THSD7A: variants seen among roughly 807,000 people sequenced by gnomAD.
THSD7A encodes thrombospondin type 1 domain containing 7A.
THSD7A carries 96 observed loss-of-function variants against 231.3 expected under a neutral mutation model. The ratio of observed to expected loss-of-function variants is 0.41; its 90% CI spans 0.35 to 0.49. THSD7A has a LOEUF of 0.49. Ranked by LOEUF, THSD7A falls within the 20% of genes least tolerant of loss-of-function variation. The pLI, the probability that THSD7A is intolerant of heterozygous loss-of-function variation, is 0.05. For missense variants in THSD7A, 2,290 were observed against 2,070.2 expected, an observed-to-expected ratio of 1.11 and a Z score of -2.06; for synonymous variants, 940 against 743.3, an observed-to-expected ratio of 1.26 and a Z score of -4.30.
rs141816599 is a variant in THSD7A, at chr7:11,590,762, G to A, written c.1272-121C>T. On this transcript the variant is annotated intron_variant, in intron 3 of 27. Transcript: ENST00000423059. This position sits in a 1 kb window ranked among gnomAD's most constrained non-coding sequence, Gnocchi z 4.4. ...AAATCATTTTCCTAGAGAATCCATC[G>A]TAGACTACATCTATGGTGCATATTT... The A allele has an allele frequency of 3.5e-5, 40 of 1,139,530 alleles. No homozygotes were observed. Among genetic ancestry groups the A allele is most frequent in the East Asian group, 2.6e-4 (10 of 37,892 alleles). The allele number at this position is 1,139,530 out of a possible 1,614,324, so 70.6% of individuals were successfully genotyped here.
intron 1 of THSD7A, among the ~76,000 whole-genome samples, chr7:11,684,814 A>G (rs1377924485): frequency 6.6e-6 from 1 of 152,204 alleles, no homozygotes; most frequent in Admixed American, 6.6e-5. Context: ...CAATCTACAG[A>G]TTCTAAGCAA....
intron 1 of THSD7A, among the ~76,000 whole-genome samples, chr7:11,644,225 G>A (rs1407797476): frequency 2.6e-5 from 4 of 151,814 alleles, no homozygotes; most frequent in Admixed American, 6.6e-5. Flanking sequence ...ATTGCCATAG[G>A]TAGAAGCAAA....
chr7:11,711,453 G>T (rs948903884), intron 1 of THSD7A, among the ~76,000 whole-genome samples: 12 of 150,964 alleles, frequency 7.9e-5, no homozygotes, highest in Admixed American at 5.3e-4. Context: ...ATCTGCTGAC[G>T]AATTAAATTT....
chr7:11,820,433 T>C, intron 1 of THSD7A: 2 of 1,325,886 alleles, frequency 1.5e-6, no homozygotes, highest in Non-Finnish European at 2.0e-6. Flanking sequence ...TTGGGGCTGG[T>C]GCTTGATTTC....
At chr7:11,818,278 C>G (rs1374744113) in intron 1 of THSD7A, among the ~76,000 whole-genome samples, 2 of 152,202 alleles carry the variant, frequency 1.3e-5, no homozygotes, top group African/African-American at 4.8e-5. Flanking sequence ...ATAAGTTAAA[C>G]TATTTTAGCT....
chr7:11,656,434 G>A lies in THSD7A; in HGVS notation c.191-19473C>T, dbSNP rs187800994. ...TCATAGGGGCTCACAGTTCACAGAT[G>A]GTCTCCAGGCTAACTAGGACACACC... is the stretch of plus-strand genomic sequence containing the variant. On this transcript the variant is annotated intron_variant, in intron 1 of 27. Transcript: ENST00000423059. 4.8e-4 allele frequency among the ~76,000 whole-genome samples: 73 copies of A among 151,896 alleles called. 1 individual carries two copies. The highest frequency in any genetic ancestry group is 1.6e-3 in the African/African-American group (66 of 41,512).
intron 1 of THSD7A, among the ~76,000 whole-genome samples, chr7:11,808,191 G>A (rs1284557371): frequency 6.6e-6 from 1 of 152,034 alleles, no homozygotes; most frequent in Non-Finnish European, 1.5e-5. Context: ...GTTTGAATGT[G>A]TCCCTTCCAA....
chr7:11,767,089 G>A (rs961950593), intron 1 of THSD7A, among the ~76,000 whole-genome samples: 1 of 152,136 alleles, frequency 6.6e-6, no homozygotes, highest in Admixed American at 6.5e-5. Flanking sequence ...GCATGTGCAT[G>A]TATGTTTCTG....
intron 13 of THSD7A, among the ~76,000 whole-genome samples, chr7:11,443,663 G>A (rs67910311): frequency 0.27 from 40,557 of 151,596 alleles, 6,253 homozygotes; most frequent in Middle Eastern, 0.41. Context: ...TTAATAAAAA[G>A]GATCTGGAGA....
chr7:11,485,015 C>CATG (rs1786595975), intron 6 of THSD7A, among the ~76,000 whole-genome samples: 1 of 150,690 alleles, frequency 6.6e-6, no homozygotes, highest in Non-Finnish European at 1.5e-5. Flanking sequence ...CTCAGCCTCC[C>CATG]ATGTAGCTGG....
intron 23 of THSD7A, chr7:11,385,293 A>T (rs1206845293): frequency 6.6e-6 from 1 of 152,062 alleles, no homozygotes; most frequent in Non-Finnish European, 1.5e-5. Flanking sequence ...ACTTCTGATG[A>T]CACTTGGCTG....
At chr7:11,426,298 G>A (rs566484162) in intron 15 of THSD7A, among the ~76,000 whole-genome samples, 21 of 152,150 alleles carry the variant, frequency 1.4e-4, no homozygotes, top group South Asian at 6.2e-4. Context: ...CATCAGTTCA[G>A]AACAATCTCC....
chr7:11,423,964 A>G lies in THSD7A; in HGVS notation c.3383+732T>C, dbSNP rs547466084. On this transcript the variant is annotated intron_variant, in intron 16 of 27. Coordinates refer to ENST00000423059, the MANE Select transcript of THSD7A (RefSeq NM_015204.3). ...GGGTCTCTGTTTTAAGAAATTTTAT[A>G]AAGTTTTATTAAGGGGATAGACATG... Among the ~76,000 whole-genome samples, 6 of 152,136 alleles carry G rather than the reference A, an allele frequency of 3.9e-5. No homozygotes were observed. The South Asian group carries it at 1.2e-3, about 32-fold the overall frequency.
intron 1 of THSD7A, among the ~76,000 whole-genome samples, chr7:11,669,309 C>CT (rs992001103): frequency 2.0e-5 from 3 of 152,024 alleles, no homozygotes; most frequent in African/African-American, 4.8e-5. Flanking sequence ...TTTAAAAATA[C>CT]TTTTTTTCGG....
At chr7:11,401,562 A>G (rs1168674033) in intron 23 of THSD7A, among the ~76,000 whole-genome samples, 1 of 151,848 alleles carries the variant, frequency 6.6e-6, no homozygotes, top group African/African-American at 2.4e-5. Context: ...GGATTACAGG[A>G]GCCTGACACC....
In THSD7A at chr7:11,636,510, G is replaced by C; in HGVS notation, c.642C>G (p.Leu214=). Residue 214 remains leucine (L), a synonymous_variant, in exon 2 of 28, where the codon CTC becomes CTG. Transcript: ENST00000423059. The surrounding 1 kb of genome is among the most constrained non-coding windows in gnomAD (Gnocchi z 10.0). ...SECSKTCGSG[L]QHRTRHVVAP... ...CCACCACATGACGCGTCCGGTGCTG[G>C]AGCCCGCTGCCGCAGGTCTTGGAGC... 6.2e-7 allele frequency: 1 copy of C among 1,613,914 alleles called. No individual in the cohort carries two copies. The highest frequency in any genetic ancestry group is 1.1e-5 in the South Asian group (1 of 91,084).
At chr7:11,568,614 A>C (rs1790470729) in intron 4 of THSD7A, among the ~76,000 whole-genome samples, 1 of 125,298 alleles carries the variant, frequency 8.0e-6, no homozygotes, top group Admixed American at 9.0e-5. Flanking sequence ...GACAGAGTGA[A>C]ACTCCGTCTC....
intron 4 of THSD7A, among the ~76,000 whole-genome samples, chr7:11,557,249 T>A (rs1202771341): frequency 6.6e-6 from 1 of 152,128 alleles, no homozygotes; most frequent in African/African-American, 2.4e-5. Flanking sequence ...CCCTCCATTA[T>A]GCTGTTAGAC....
intron 6 of THSD7A, among the ~76,000 whole-genome samples, chr7:11,504,930 C>T (rs756236598): frequency 1.3e-5 from 2 of 151,758 alleles, no homozygotes; most frequent in African/African-American, 4.8e-5. Flanking sequence ...GGTAAACAAT[C>T]CAAAACACTT....
Sources: allele counts gnomAD v4.1 joint callset (sites outside exome capture counted in the v4.1 genomes callset), GRCh38; gene constraint gnomAD v4.1.1; non-coding constraint Gnocchi (gnomAD v3.1); transcripts MANE v1.5; gene names NCBI Gene and HGNC (gene_info 2026-07-23, HGNC 2026-07-21).